ARHGEF28: variants seen among roughly 807,000 people sequenced by gnomAD.
The protein encoded by ARHGEF28 is 190 kDa guanine nucleotide exchange factor.
A neutral mutation model predicts 206.6 loss-of-function variants in ARHGEF28; 152 were observed. The ratio of observed to expected loss-of-function variants is 0.74; its 90% CI spans 0.64 to 0.84. ARHGEF28 has a LOEUF of 0.84. Ranked by LOEUF, ARHGEF28 falls within the 40% of genes least tolerant of loss-of-function variation. The pLI, the probability that ARHGEF28 is intolerant of heterozygous loss-of-function variation, is 0.00. For synonymous variants in ARHGEF28, 763 were observed against 776.4 expected, an observed-to-expected ratio of 0.98 and a Z score of 0.29; for missense variants, 2,028 against 2,073.2, an observed-to-expected ratio of 0.98 and a Z score of 0.42.
chr5:73,690,525 CAA>C (rs71615796), intron 2 of ARHGEF28, among the ~76,000 whole-genome samples: 3 of 23,372 alleles, frequency 1.3e-4, no homozygotes, highest in African/African-American at 1.9e-4. Flanking sequence ...TCTGTCTTTA[CAA>C]AAAAAAAAAA....
chr5:73,661,145 T>C (rs1002908039), intron 1 of ARHGEF28, among the ~76,000 whole-genome samples: 2 of 152,368 alleles, frequency 1.3e-5, no homozygotes, highest in South Asian at 2.1e-4. Context: ...CTTAGCCAGA[T>C]TGGCTGGATA....
chr5:73,712,222 G>T (rs1307206639), intron 2 of ARHGEF28, among the ~76,000 whole-genome samples: 1 of 152,102 alleles, frequency 6.6e-6, no homozygotes, highest in Non-Finnish European at 1.5e-5. Context: ...TTATGTTCAT[G>T]AGGACTACTG....
Position 73,832,423 on chromosome 5 carries a change from T to A in ARHGEF28, c.1110T>A (p.Gly370=). 6.2e-7 allele frequency: 1 copy of A among 1,612,292 alleles called. No individual in the cohort carries two copies. ...GGCTTTCAGACATGCTGAATGGAGG[T>A]GATGAAGTCTACGCTAACTGTATGG... ...AGRLSDMLNG[G]DEVYANCMVI... is the part of the protein sequence containing the mutation. The change falls in exon 10 of 36, where the codon GGT becomes GGA. Residue 370 remains glycine (G), a synonymous_variant. Coordinates refer to ENST00000513042, the MANE Select transcript of ARHGEF28 (RefSeq NM_001177693.2).
At chr5:73,665,506 CTGTTT>C (rs1484181842) in intron 1 of ARHGEF28, among the ~76,000 whole-genome samples, 2 of 152,054 alleles carry the variant, frequency 1.3e-5, no homozygotes, top group Non-Finnish European at 2.9e-5. Flanking sequence ...TTGTCTTAGT[CTGTTT>C]TGTGCTGCTC....
intron 14 of ARHGEF28, among the ~76,000 whole-genome samples, chr5:73,856,436 A>G (rs930471166): frequency 1.3e-5 from 2 of 152,112 alleles, no homozygotes; most frequent in Non-Finnish European, 2.9e-5. Flanking sequence ...CTATACCTTT[A>G]GATCTACATG....
At chr5:73,821,861 T>A (rs1756610274) in intron 9 of ARHGEF28, among the ~76,000 whole-genome samples, 1 of 152,068 alleles carries the variant, frequency 6.6e-6, no homozygotes, top group African/African-American at 2.4e-5. Flanking sequence ...AAAAAAGTTA[T>A]TTATACATTC....
chr5:73,684,973 G>C, intron 2 of ARHGEF28, 89 bp downstream of exon 2: 1 of 1,401,144 alleles, frequency 7.1e-7, no homozygotes, highest in Non-Finnish European at 9.9e-7. Context: ...TGTTTTTCTT[G>C]CTATTGAGTT....
intron 30 of ARHGEF28, 76 bp downstream of exon 30, chr5:73,898,169 G>A: frequency 1.3e-6 from 2 of 1,519,966 alleles, no homozygotes; most frequent in East Asian, 2.4e-5. Context: ...TAAAGTAAAG[G>A]CAATGACTGT....
chr5:73,915,720 G>C (rs1355436400), intron 35 of ARHGEF28, among the ~76,000 whole-genome samples: 1 of 151,898 alleles, frequency 6.6e-6, no homozygotes, highest in Admixed American at 6.6e-5. Flanking sequence ...ACTATATATT[G>C]AATGCATCTA....
chr5:73,714,106 C>T (rs1364378564), intron 2 of ARHGEF28, among the ~76,000 whole-genome samples: 2 of 152,116 alleles, frequency 1.3e-5, no homozygotes, highest in Admixed American at 1.3e-4. Context: ...TTTTCTCCAG[C>T]GTAGAGTGAG....
At chr5:73,638,188 A>T (rs1743847037) in intron 1 of ARHGEF28, among the ~76,000 whole-genome samples, 1 of 152,260 alleles carries the variant, frequency 6.6e-6, no homozygotes, top group Admixed American at 6.5e-5. Flanking sequence ...TTGGGCTTAT[A>T]AATAAATATT....
intron 16 of ARHGEF28, among the ~76,000 whole-genome samples, chr5:73,858,512 T>C (rs184883261): frequency 3.3e-5 from 5 of 152,326 alleles, no homozygotes; most frequent in East Asian, 3.9e-4. Flanking sequence ...TCTCGGCCTT[T>C]AATGGCAACT....
At chr5:73,815,695 A>G (rs935433547) in intron 9 of ARHGEF28, among the ~76,000 whole-genome samples, 5 of 152,242 alleles carry the variant, frequency 3.3e-5, no homozygotes, top group African/African-American at 1.2e-4. Flanking sequence ...TTGAGAATCC[A>G]TTGGAGTTGT....
intron 4 of ARHGEF28, among the ~76,000 whole-genome samples, chr5:73,755,057 C>T (rs1184401052): frequency 6.6e-6 from 1 of 151,484 alleles, no homozygotes; most frequent in Admixed American, 6.6e-5. Context: ...TGTGCTAAGC[C>T]CTTATATACA....
At chr5:73,923,118 G>C (rs1763610215) in intron 35 of ARHGEF28, 1 of 1,535,674 alleles carries the variant, frequency 6.5e-7, no homozygotes, top group African/African-American at 1.4e-5. Context: ...GTTGTACGTT[G>C]ACATCTCCCC....
chr5:73,730,534 A>ATTTTTTTTTTT (rs968990208), intron 2 of ARHGEF28, among the ~76,000 whole-genome samples: 1 of 117,396 alleles, frequency 8.5e-6, no homozygotes, highest in Non-Finnish European at 1.7e-5. Context: ...CATAAGGAGG[A>ATTTTTTTTTTT]TTTTTTTTTT....
intron 7 of ARHGEF28, among the ~76,000 whole-genome samples, chr5:73,793,102 G>A (rs1011951232): frequency 6.6e-6 from 1 of 152,108 alleles, no homozygotes; most frequent in Non-Finnish European, 1.5e-5. Flanking sequence ...TTCCTTGTTG[G>A]TTTAATCATA....
chr5:73,777,833 C>T (rs1753622163), intron 6 of ARHGEF28, among the ~76,000 whole-genome samples: 1 of 152,066 alleles, frequency 6.6e-6, no homozygotes, highest in Non-Finnish European at 1.5e-5. Flanking sequence ...GGCACTTTGG[C>T]ACTTTGGGTA....
chr5:73,661,995 A>G (rs1402591601), intron 1 of ARHGEF28, among the ~76,000 whole-genome samples: 1 of 152,264 alleles, frequency 6.6e-6, no homozygotes, highest in Admixed American at 6.5e-5. Context: ...AAGAAACACA[A>G]TATCTGCACA....
Sources: allele counts gnomAD v4.1 joint callset (sites outside exome capture counted in the v4.1 genomes callset), GRCh38; gene constraint gnomAD v4.1.1; transcripts MANE v1.5; gene names NCBI Gene and HGNC (gene_info 2026-07-23, HGNC 2026-07-21).